Variants in TLR4 observed in about 807,000 individuals in gnomAD.
TLR4 encodes the protein toll like receptor 4, also known as toll-like receptor 4.
TLR4 carries 17 observed loss-of-function variants against 27.4 expected under a neutral mutation model. The observed-to-expected ratio is 0.62, with a 90% CI of 0.42 to 0.93. The LOEUF (loss-of-function observed/expected upper bound fraction) is 0.93. TLR4 is among the 40% of genes least tolerant of loss of function. TLR4 has a pLI of 0.00. For missense variants in TLR4, 926 were observed against 962.3 expected (o/e 0.96, Z 0.50); for synonymous variants, 363 against 365.7 (o/e 0.99, Z 0.08).
rs992013352 is a variant in TLR4, at chr9:117,722,783, G to C, written c.*8135G>C. 1 of 152,142 alleles carries C rather than the reference G, an allele frequency of 6.6e-6. No homozygotes were observed. The highest frequency in any genetic ancestry group is 1.5e-5 in the Non-Finnish European group (1 of 68,014). 9.4% of individuals were successfully genotyped at this position (152,142 alleles called of 1,614,324 possible). A position where few individuals can be genotyped will look rare whatever the true frequency, so the allele number is the denominator to read the frequency against. ...AGGTCAGATCAGCATTTTCAAAAGT[G>C]TGACATGTTAGTAAATAAGATGATT... On this transcript the variant is annotated 3_prime_UTR_variant, in exon 3 of 3. Transcript: ENST00000355622.
chr9:117,708,164 T>C (rs1829167474), intron 1 of TLR4: 4 of 1,013,914 alleles, frequency 3.9e-6, no homozygotes, highest in Admixed American at 1.0e-4. Context: ...CTGAGGTTTT[T>C]CTTTTGTTCG....
At position 117,712,500 on chromosome 9, in the gene TLR4, A is replaced by T. The variant is rs1436857878; in HGVS notation, c.372A>T (p.Gly124=). 1 of 1,613,860 alleles carries T rather than the reference A, an allele frequency of 6.2e-7. No individual in the cohort carries two copies. Reference sequence around the variant, plus strand: ...GTTTAGCCCTGGGAGCCTTTTCTGGACTATCAAGTTTACAGAAGCTGGTGG... The same window carrying T: ...GTTTAGCCCTGGGAGCCTTTTCTGGTCTATCAAGTTTACAGAAGCTGGTGG... ...IQSLALGAFS[G]LSSLQKLVAV... is the part of the protein sequence containing the mutation. Residue 124 remains glycine (G), a synonymous_variant, in exon 3 of 3, where the codon GGA becomes GGT. Transcript: ENST00000355622.
intron 2 of TLR4, among the ~76,000 whole-genome samples, chr9:117,711,374 T>A (rs562968619): frequency 6.6e-6 from 1 of 152,306 alleles, no homozygotes; most frequent in East Asian, 1.9e-4. Context: ...TGAAAGGAAT[T>A]TTTCATTGGC....
intron 1 of TLR4, among the ~76,000 whole-genome samples, chr9:117,705,453 C>T (rs1829120937): frequency 6.6e-6 from 1 of 152,120 alleles, no homozygotes; most frequent in Non-Finnish European, 1.5e-5. Flanking sequence ...CCCTCAATTC[C>T]CTGCCCATAG....
At chr9:117,706,882 G>T (rs1175328775) in intron 1 of TLR4, among the ~76,000 whole-genome samples, 1 of 152,176 alleles carries the variant, frequency 6.6e-6, no homozygotes, top group South Asian at 2.1e-4. Context: ...GTCTGGAGCT[G>T]CATCATATTT....
At chr9:117,708,780 G>A (rs2770148) in intron 2 of TLR4, 51 bp downstream of exon 2, 1,596,579 of 1,609,606 alleles carry the variant, frequency 0.99, 792,631 homozygotes, top group East Asian at 1. Flanking sequence ...TCATTGTCCT[G>A]TCATTTCATT....
In TLR4 at chr9:117,721,912, T is replaced by G. The variant is rs1056090899; in HGVS notation, c.*7264T>G. On this transcript the variant is annotated 3_prime_UTR_variant, in exon 3 of 3. Transcript: ENST00000355622. Reference sequence around the variant, plus strand: ...GTTGATTCTTCTCAATCCCACTAGATCAGACTCTTTGGGATACTAGGATTG... The same window carrying G: ...GTTGATTCTTCTCAATCCCACTAGAGCAGACTCTTTGGGATACTAGGATTG... 1 of 152,216 alleles carries G rather than the reference T, an allele frequency of 6.6e-6. No homozygotes were observed. The highest frequency in any genetic ancestry group is 1.5e-5 in the Non-Finnish European group (1 of 68,034). 9.4% of individuals were successfully genotyped at this position (152,216 alleles called of 1,614,324 possible).
In TLR4 at chr9:117,722,851, T is replaced by C. The variant is rs75994857; in HGVS notation, c.*8203T>C. The stretch of plus-strand genomic sequence containing the variant: ...GAATGTATTACCTTTAGTGGTTATA[T>C]GTTTATTTTCATGGTTACTTTTATT... On this transcript the variant is annotated 3_prime_UTR_variant, in exon 3 of 3. Transcript: ENST00000355622. The C allele has an allele frequency of 8.5e-5, 13 of 152,356 alleles. No individual in the cohort carries two copies. In the East Asian group the frequency reaches 2.5e-3, roughly 29 times the overall value. The allele number at this position is 152,356 out of a possible 1,614,324, so 9.4% of individuals were successfully genotyped here. A position where few individuals can be genotyped will look rare whatever the true frequency, so the allele number is the denominator to read the frequency against.
chr9:117,709,039 G>A, intron 2 of TLR4: 3 of 349,948 alleles, frequency 8.6e-6, no homozygotes, highest in South Asian at 7.5e-5. Flanking sequence ...TTGACTACTT[G>A]CTATATGTTG....
rs945603135 is a variant in TLR4, at chr9:117,716,738, A to G, written c.*2090A>G. 3 of 152,244 alleles carry G rather than the reference A, an allele frequency of 2.0e-5. No individual in the cohort carries two copies. Among genetic ancestry groups the G allele is most frequent in the Admixed American group, 1.3e-4 (2 of 15,286 alleles). 9.4% of individuals were successfully genotyped at this position (152,244 alleles called of 1,614,324 possible). ...CATGTTAAGTGTTCTTACCATATAC[A>G]TATACACAAGGAAGCTTTTGGAGGT... On this transcript the variant is annotated 3_prime_UTR_variant, in exon 3 of 3. Coordinates refer to ENST00000355622, the MANE Select transcript of TLR4 (RefSeq NM_138554.5).
chr9:117,712,450 A>G lies in TLR4; in HGVS notation c.322A>G (p.Ile108Val). 6.2e-7 allele frequency: 1 copy of G among 1,613,898 alleles called. No individual in the cohort carries two copies. The highest frequency in any genetic ancestry group is 8.5e-7 in the Non-Finnish European group (1 of 1,179,904). Residue 108 changes from isoleucine to valine, a missense_variant, in exon 3 of 3, where the codon ATA becomes GTA. Transcript: ENST00000355622. ...GAGCCTAAGCCACCTCTCTACCTTAATATTGACAGGAAACCCCATCCAGAG... is the reference window on the plus strand; with the variant it reads ...GAGCCTAAGCCACCTCTCTACCTTAGTATTGACAGGAAACCCCATCCAGAG... Reference protein sequence around the residue: ...YQSLSHLSTLILTGNPIQSLA... With the variant: ...YQSLSHLSTLVLTGNPIQSLA...
In TLR4 at chr9:117,723,718, A is replaced by T. The variant is rs1245304016; in HGVS notation, c.*9070A>T. Reference sequence around the variant, plus strand: ...AAATTAAGCTATATGTCATTCTTACAGGAGTCTCCTCTATTTCAGCAATGT... The same window carrying T: ...AAATTAAGCTATATGTCATTCTTACTGGAGTCTCCTCTATTTCAGCAATGT... On this transcript the variant is annotated 3_prime_UTR_variant, in exon 3 of 3. Transcript: ENST00000355622. 6.6e-6 allele frequency: 1 copy of T among 152,218 alleles called. No individual in the cohort carries two copies. Among genetic ancestry groups the T allele is most frequent in the Admixed American group, 6.5e-5 (1 of 15,284 alleles). 9.4% of individuals were successfully genotyped at this position (152,218 alleles called of 1,614,324 possible). A position where few individuals can be genotyped will look rare whatever the true frequency, so the allele number is the denominator to read the frequency against.
intron 1 of TLR4, among the ~76,000 whole-genome samples, chr9:117,705,550 C>T (rs1829122443): frequency 1.3e-5 from 2 of 152,146 alleles, no homozygotes; most frequent in African/African-American, 4.8e-5. Flanking sequence ...CGAGATAAAA[C>T]CACAGCCAAA....
chr9:117,711,162 T>C (rs1037436515), intron 2 of TLR4, among the ~76,000 whole-genome samples: 2 of 152,186 alleles, frequency 1.3e-5, no homozygotes, highest in East Asian at 1.9e-4. Context: ...TTTTGTCCAC[T>C]CTTCCAGCGT....
rs942376627 is a variant in TLR4 at position 117,714,735 on chromosome 9, T to C, written c.*87T>C. The C allele has an allele frequency of 4.3e-6, 5 of 1,160,974 alleles. No individual in the cohort carries two copies. Among genetic ancestry groups the C allele is most frequent in the East Asian group, 2.4e-5 (1 of 41,218 alleles). The allele number at this position is 1,160,974 out of a possible 1,614,324, so 71.9% of individuals were successfully genotyped here. On this transcript the variant is annotated 3_prime_UTR_variant, in exon 3 of 3. Coordinates refer to ENST00000355622, the MANE Select transcript of TLR4 (RefSeq NM_138554.5). ...TTAATAAGTATTAAATGCTGCCACA[T>C]GTCAGGCCTTATGCTAAGGGTGAGT...
In TLR4 at chr9:117,716,852, A is replaced by G. The variant is rs199966778; in HGVS notation, c.*2204A>G. Reference sequence around the variant, plus strand: ...TCATCAAATTGTATACATTAAATATATGCAGTTTTATAATATCAATTATGT... The same window carrying G: ...TCATCAAATTGTATACATTAAATATGTGCAGTTTTATAATATCAATTATGT... On this transcript the variant is annotated 3_prime_UTR_variant, in exon 3 of 3. Transcript: ENST00000355622. 1 of 152,214 alleles carries G rather than the reference A, an allele frequency of 6.6e-6. No homozygotes were observed. The highest frequency in any genetic ancestry group is 6.5e-5 in the Admixed American group (1 of 15,270). 9.4% of individuals were successfully genotyped at this position (152,214 alleles called of 1,614,324 possible).
rs1314441656 is a variant in TLR4 at position 117,713,417 on chromosome 9, A to C, written c.1289A>C (p.Gln430Pro). The part of the protein sequence containing the change: ...GLEQLEHLDF[Q>P]HSNLKQMSEF... ...GAACAACTAGAACATCTGGATTTCC[A>C]GCATTCCAATTTGAAACAAATGAGT... The change falls in exon 3 of 3, where the codon CAG becomes CCG. Residue 430 changes from glutamine to proline, a missense_variant. Gln to Pro is a moderately conservative substitution (Grantham distance 76). Coordinates refer to ENST00000355622, the MANE Select transcript of TLR4 (RefSeq NM_138554.5). The C allele has an allele frequency of 6.8e-6, 11 of 1,613,972 alleles. No individual in the cohort carries two copies. The Admixed American group carries it at 1.5e-4, about 22-fold the overall frequency.
Position 117,704,486 on chromosome 9 carries a change from C to T in TLR4, c.14C>T (p.Ser5Leu), listed in dbSNP as rs1588091037. The change falls in exon 1 of 3, where the codon TCG becomes TTG. Residue 5 changes from serine (S) to leucine (L), a missense_variant. Coordinates refer to ENST00000355622, the MANE Select transcript of TLR4 (RefSeq NM_138554.5). Reference sequence around the variant, plus strand: ...GATGATGCCAGGATGATGTCTGCCTCGCGCCTGGCTGGGACTCTGATCCCA... The same window carrying T: ...GATGATGCCAGGATGATGTCTGCCTTGCGCCTGGCTGGGACTCTGATCCCA... MMSASRLAGTLIPAM... is the reference protein window; with the variant it reads MMSALRLAGTLIPAM... 3.7e-6 allele frequency: 6 copies of T among 1,613,290 alleles called. No individual in the cohort carries two copies. The highest frequency in any genetic ancestry group is 1.7e-4 in the Middle Eastern group (1 of 6,058).
chr9:117,713,525 T>A lies in TLR4; in HGVS notation c.1397T>A (p.Ile466Asn). Residue 466 changes from isoleucine (I) to asparagine (N), a missense_variant, in exon 3 of 3, where the codon ATC (isoleucine) becomes AAC (asparagine). By Grantham distance (149) the Ile-to-Asn change is moderately radical (BLOSUM62 -3). Coordinates refer to ENST00000355622, the MANE Select transcript of TLR4 (RefSeq NM_138554.5). ...HTHTRVAFNG[I>N]FNGLSSLEVL... is the part of the protein sequence containing the mutation. ...CACACCAGAGTTGCTTTCAATGGCA[T>A]CTTCAATGGCTTGTCCAGTCTCGAA... The A allele has an allele frequency of 6.2e-7, 1 of 1,614,140 alleles. No individual in the cohort carries two copies. The highest frequency in any genetic ancestry group is 8.5e-7 in the Non-Finnish European group (1 of 1,180,002).
Sources: allele counts gnomAD v4.1 joint callset (sites outside exome capture counted in the v4.1 genomes callset), GRCh38; gene constraint gnomAD v4.1.1; transcripts MANE v1.5; gene names NCBI Gene and HGNC (gene_info 2026-07-23, HGNC 2026-07-21).